The following RIMBP2 variants were observed in gnomAD, a reference collection of about 807,000 sequenced individuals.
RIMBP2 encodes the protein RIMS-binding protein 2.
Under a neutral mutation model 118.6 loss-of-function variants are expected in RIMBP2, and 48 were observed. The observed-to-expected ratio is 0.40, with a 90% CI of 0.32 to 0.51. The LOEUF is 0.51. Among genes scored for constraint, RIMBP2 ranks in the 20% least tolerant of loss-of-function variants. RIMBP2 has a pLI of 0.41. For missense variants in RIMBP2, 1,551 were observed against 1,768.3 expected (o/e 0.88, Z 2.20); for synonymous variants, 762 against 742.9 (o/e 1.03, Z -0.42).
intron 2 of RIMBP2, among the ~76,000 whole-genome samples, chr12:130,531,726 A>T (rs2053395114): frequency 6.6e-6 from 1 of 152,256 alleles, no homozygotes; most frequent in Non-Finnish European, 1.5e-5. Flanking sequence ...AACAGAGCAA[A>T]GTTCACCCAT....
intron 20 of RIMBP2, 39 bp downstream of exon 20, chr12:130,407,687 T>G (rs747441212): frequency 6.7e-7 from 1 of 1,485,706 alleles, no homozygotes; most frequent in South Asian, 1.1e-5. Context: ...GGGAAGGGTG[T>G]GGTTGTGTCC....
At chr12:130,584,032 C>T (rs1047596774) in intron 2 of RIMBP2, among the ~76,000 whole-genome samples, 2 of 147,464 alleles carry the variant, frequency 1.4e-5, no homozygotes, top group African/African-American at 4.9e-5. Context: ...TCACCATCAC[C>T]CCCATCACCA....
intron 2 of RIMBP2, among the ~76,000 whole-genome samples, chr12:130,584,200 TCAC>T (rs1192168456): frequency 2.9e-5 from 4 of 138,836 alleles, no homozygotes; most frequent in Non-Finnish European, 4.7e-5. Context: ...CACCACCTTA[TCAC>T]CACCATCACC....
At chr12:130,513,384 A>G (rs2051117590) in intron 3 of RIMBP2, among the ~76,000 whole-genome samples, 1 of 152,194 alleles carries the variant, frequency 6.6e-6, no homozygotes, top group Non-Finnish European at 1.5e-5. Context: ...TTCTGTTTCA[A>G]AATAGATTCT....
chr12:130,433,165 G>A (rs776422516), intron 14 of RIMBP2, among the ~76,000 whole-genome samples: 1 of 152,138 alleles, frequency 6.6e-6, no homozygotes, highest in Non-Finnish European at 1.5e-5. Context: ...ACTCTTTTCT[G>A]ATAAGCGACT....
intron 2 of RIMBP2, among the ~76,000 whole-genome samples, chr12:130,624,088 G>A (rs369678840): frequency 2.0e-4 from 31 of 152,352 alleles, no homozygotes; most frequent in East Asian, 1.5e-3. Context: ...TAGCTACACT[G>A]CTGGGTGAAA....
chr12:130,424,491 T>C lies in RIMBP2; in HGVS notation c.2780A>G (p.Glu927Gly), dbSNP rs1202732032. The C allele has an allele frequency of 9.7e-6, 12 of 1,232,002 alleles. No individual in the cohort carries two copies. The highest frequency in any genetic ancestry group is 1.2e-5 in the Non-Finnish European group (12 of 987,882). 76.3% of individuals were successfully genotyped at this position (1,232,002 alleles called of 1,614,324 possible). A position where few individuals can be genotyped will look rare whatever the true frequency, so the allele number is the denominator to read the frequency against. Reference protein sequence around the residue: ...PDSGLDCGSEEDESRFGFGNT... With the variant: ...PDSGLDCGSEGDESRFGFGNT... ...TCCGAAGCCAAACCGCGACTCGTCC[T>C]CTTCACTCCCACAGTCCAGGCCGCT... Residue 927 changes from glutamate (E) to glycine (G), a missense_variant, in exon 16 of 23, where the codon GAG becomes GGG. Around this residue, in one of 5 missense-constraint regions of RIMBP2, gnomAD observed 1,038 missense variants for 1,125.1 expected, o/e 0.92. Coordinates refer to ENST00000690449, the MANE Select transcript of RIMBP2 (RefSeq NM_001393629.1). This position sits in a 1 kb window ranked among gnomAD's most constrained non-coding sequence, Gnocchi z 9.8.
At chr12:130,526,199 T>C (rs1488622999) in intron 2 of RIMBP2, among the ~76,000 whole-genome samples, 1 of 152,146 alleles carries the variant, frequency 6.6e-6, no homozygotes, top group African/African-American at 2.4e-5. Flanking sequence ...TTTAGTTCCA[T>C]GAAATCTAAA....
intron 3 of RIMBP2, among the ~76,000 whole-genome samples, chr12:130,516,799 A>T (rs1288449698): frequency 2.0e-5 from 3 of 152,196 alleles, no homozygotes; most frequent in Admixed American, 2.0e-4. Flanking sequence ...TATGGAAGGC[A>T]TTGGAAGGGT....
chr12:130,518,195 G>A (rs12370906), intron 2 of RIMBP2, among the ~76,000 whole-genome samples: 34,586 of 152,074 alleles, frequency 0.23, 4,220 homozygotes, highest in Non-Finnish European at 0.25. Flanking sequence ...AAAAAGCAAC[G>A]GAACTTCTCG....
Position 130,478,857 on chromosome 12 carries a change from G to A in RIMBP2, c.102+55C>T, listed in dbSNP as rs554065213. ...CCGCTCCACCACACCAGGGATCCCCGGCCCACCCGTGGACTCCCTGCCTCG... is the reference window on the plus strand; with the variant it reads ...CCGCTCCACCACACCAGGGATCCCCAGCCCACCCGTGGACTCCCTGCCTCG... On this transcript the variant is annotated intron_variant, in intron 5 of 22. Coordinates refer to ENST00000690449, the MANE Select transcript of RIMBP2 (RefSeq NM_001393629.1). 6.5e-5 allele frequency: 87 copies of A among 1,346,118 alleles called. No homozygotes were observed. The South Asian group carries it at 9.8e-4, about 15-fold the overall frequency. 83.4% of individuals were successfully genotyped at this position (1,346,118 alleles called of 1,614,324 possible).
At chr12:130,700,279 C>G (rs140912876) in intron 1 of RIMBP2, among the ~76,000 whole-genome samples, 1 of 152,176 alleles carries the variant, frequency 6.6e-6, no homozygotes, top group African/African-American at 2.4e-5. Flanking sequence ...TTCACCCATT[C>G]CCCGGAAAGA....
chr12:130,400,308 T>C (rs1406632270), intron 21 of RIMBP2, among the ~76,000 whole-genome samples: 3 of 152,176 alleles, frequency 2.0e-5, no homozygotes, highest in African/African-American at 7.2e-5. Context: ...TCCCTCTTAC[T>C]CATGGATAGG....
chr12:130,581,691 C>T lies in RIMBP2; in HGVS notation c.-217+46631G>A, dbSNP rs542419079. 7.9e-5 allele frequency among the ~76,000 whole-genome samples: 12 copies of T among 152,314 alleles called. No individual in the cohort carries two copies. The highest frequency in any genetic ancestry group is 6.5e-4 in the Admixed American group (10 of 15,300). On this transcript the variant is annotated intron_variant, in intron 2 of 22. Coordinates refer to ENST00000690449, the MANE Select transcript of RIMBP2 (RefSeq NM_001393629.1). The surrounding 1 kb of genome is among the most constrained non-coding windows in gnomAD (Gnocchi z 4.4). ...CGGAACGTAAGTACTTTCTCCACAG[C>T]TACTGCTATAAGCCTGGCCTGAGTC...
chr12:130,492,691 G>A (rs1484333624), intron 4 of RIMBP2, among the ~76,000 whole-genome samples: 2 of 152,234 alleles, frequency 1.3e-5, no homozygotes, highest in South Asian at 2.1e-4. Context: ...TGTGTTCAAT[G>A]CCATTTCCAA....
chr12:130,483,974 G>A lies in RIMBP2; in HGVS notation c.-3-4958C>T, dbSNP rs543278659. On this transcript the variant is annotated intron_variant, in intron 4 of 22. Coordinates refer to ENST00000690449, the MANE Select transcript of RIMBP2 (RefSeq NM_001393629.1). ...GAGCCATGCCACTAACAGGGGCTGC[G>A]AGGGCTTCCGCGGCTCCTGGAAAGG... Among the ~76,000 whole-genome samples the A allele has an allele frequency of 1.5e-3, 221 of 152,130 alleles. 4 individuals carry two copies. The highest frequency in any genetic ancestry group is 0.012 in the Admixed American group (189 of 15,288).
At chr12:130,449,905 C>T (rs544881071) in intron 9 of RIMBP2, among the ~76,000 whole-genome samples, 1 of 152,138 alleles carries the variant, frequency 6.6e-6, no homozygotes, top group African/African-American at 2.4e-5. Context: ...CCTCGGAGGG[C>T]GAGACCCTGC....
chr12:130,580,463 C>G (rs917972755), intron 2 of RIMBP2, among the ~76,000 whole-genome samples: 1 of 152,206 alleles, frequency 6.6e-6, no homozygotes, highest in Non-Finnish European at 1.5e-5. Flanking sequence ...TCACTTTCCA[C>G]CATGATTGTG....
At chr12:130,539,648 C>G (rs12810912) in intron 2 of RIMBP2, among the ~76,000 whole-genome samples, 2 of 137,960 alleles carry the variant, frequency 1.4e-5, no homozygotes, top group African/African-American at 5.5e-5. Flanking sequence ...CAAATGCAGT[C>G]GATGAGGTGG....
Sources: gnomAD v4.1 joint callset for allele counts (sites outside exome capture counted in the v4.1 genomes callset) on GRCh38, gnomAD v4.1.1 for gene constraint, gnomAD v4.1.1 regional missense constraint, Gnocchi (gnomAD v3.1) non-coding constraint, MANE v1.5 for transcripts, NCBI Gene and HGNC (gene_info 2026-07-23, HGNC 2026-07-21) for gene names.